Variants in VPS13A observed in about 807,000 individuals in gnomAD.
VPS13A encodes the protein vacuolar protein sorting 13 homolog A, also known as intermembrane lipid transfer protein VPS13A.
Under a neutral mutation model 390.9 loss-of-function variants are expected in VPS13A, and 264 were observed. The observed-to-expected ratio is 0.68, with a 90% CI of 0.61 to 0.75. The LOEUF (loss-of-function observed/expected upper bound fraction) is 0.75, where lower values mean the gene tolerates loss of function less well. Among genes scored for constraint, VPS13A ranks in the 30% least tolerant of loss-of-function variants. The pLI is 0.00. For missense variants in VPS13A, 3,409 were observed against 3,733.9 expected, an observed-to-expected ratio of 0.91 and a Z score of 2.27; for synonymous variants, 1,231 against 1,227.1, an observed-to-expected ratio of 1.00 and a Z score of -0.07.
At position 77,177,566 on chromosome 9, in the gene VPS13A, C is replaced by G. The variant is rs549155401; in HGVS notation, c.-139C>G. The G allele has an allele frequency of 4.4e-5, 33 of 748,664 alleles. No homozygotes were observed. The East Asian group carries it at 8.3e-4, about 19-fold the overall frequency. The allele number at this position is 748,664 out of a possible 1,614,324, so 46.4% of individuals were successfully genotyped here. A position where few individuals can be genotyped will look rare whatever the true frequency, so the allele number is the denominator to read the frequency against. On this transcript the variant is annotated 5_prime_UTR_variant, in exon 1 of 72. Transcript: ENST00000360280. ...TCTCTCGCTGGGCTCGCTAGGGCTG[C>G]GCGTTGGGCCAGCGGGGGCGCCGCA...
At chr9:77,312,590 C>G (rs1485561326) in intron 35 of VPS13A, among the ~76,000 whole-genome samples, 3 of 151,686 alleles carry the variant, frequency 2.0e-5, no homozygotes, top group African/African-American at 7.2e-5. Flanking sequence ...CCATGCCTGG[C>G]TAATTTTTTG....
chr9:77,410,031 AG>A (rs1485592960), intron 71 of VPS13A, among the ~76,000 whole-genome samples: 1 of 151,986 alleles, frequency 6.6e-6, no homozygotes, highest in African/African-American at 2.4e-5. Flanking sequence ...AAAAATGTTA[AG>A]GGCAGCCAGA....
intron 58 of VPS13A, 77 bp from the exon 59 acceptor site, chr9:77,360,459 C>A: frequency 8.9e-7 from 1 of 1,119,592 alleles, no homozygotes; most frequent in Non-Finnish European, 1.4e-6. Context: ...TGATCTCATA[C>A]TTTTTTCTCA....
chr9:77,354,052 A>G (rs1294105771), intron 54 of VPS13A, among the ~76,000 whole-genome samples: 1 of 152,122 alleles, frequency 6.6e-6, no homozygotes, highest in Admixed American at 6.5e-5. Context: ...AATAAGATCT[A>G]ATAAGGTGAT....
chr9:77,309,677 T>C (rs1828954569), intron 35 of VPS13A, among the ~76,000 whole-genome samples: 2 of 152,160 alleles, frequency 1.3e-5, no homozygotes, highest in Non-Finnish European at 2.9e-5. Context: ...CAGACACCAG[T>C]TGACCTGACC....
At chr9:77,390,424 A>T (rs1277872152) in intron 68 of VPS13A, among the ~76,000 whole-genome samples, 1 of 152,206 alleles carries the variant, frequency 6.6e-6, no homozygotes. Context: ...TGAACATTTA[A>T]TAGTGTGTAC....
intron 40 of VPS13A, among the ~76,000 whole-genome samples, chr9:77,317,924 C>T (rs1829499511): frequency 6.6e-6 from 1 of 151,618 alleles, no homozygotes; most frequent in African/African-American, 2.4e-5. Flanking sequence ...TCTAATATCC[C>T]TAATAAATAT....
intron 31 of VPS13A, among the ~76,000 whole-genome samples, chr9:77,283,942 A>T (rs1827185483): frequency 6.6e-6 from 1 of 151,270 alleles, no homozygotes; most frequent in African/African-American, 2.4e-5. Context: ...TTTGGGAGAG[A>T]ACCTAGTAAA....
chr9:77,316,052 C>T (rs909898861), intron 38 of VPS13A, 122 bp from the exon 39 acceptor site: 2 of 474,934 alleles, frequency 4.2e-6, no homozygotes, highest in African/African-American at 2.1e-5. Flanking sequence ...TAGTTGATTC[C>T]TTTGGGATCT....
intron 3 of VPS13A, among the ~76,000 whole-genome samples, chr9:77,201,998 TTAAA>T (rs1235006231): frequency 6.6e-6 from 1 of 152,196 alleles, no homozygotes; most frequent in African/African-American, 2.4e-5. Flanking sequence ...TTTTACTGGT[TTAAA>T]TATTGTGCAA....
chr9:77,392,793 TA>T (rs1833952004), intron 68 of VPS13A, among the ~76,000 whole-genome samples: 3 of 146,016 alleles, frequency 2.1e-5, no homozygotes, highest in Non-Finnish European at 4.5e-5. Context: ...ATACACACCT[TA>T]ATTTAAAAAT....
intron 58 of VPS13A, 36 bp downstream of exon 58, chr9:77,359,438 A>G (rs1402795034): frequency 2.0e-6 from 3 of 1,519,838 alleles, no homozygotes; most frequent in Admixed American, 3.4e-5. Context: ...ATATTTATTT[A>G]ATGTTTGATT....
intron 58 of VPS13A, 76 bp from the exon 59 acceptor site, chr9:77,360,459 CT>C (rs1832080659): frequency 8.9e-7 from 1 of 1,119,590 alleles, no homozygotes; most frequent in East Asian, 2.4e-5. Flanking sequence ...TGATCTCATA[CT>C]TTTTTCTCAT....
In VPS13A at chr9:77,366,861, T is replaced by G. The variant is rs1563963859; in HGVS notation, c.8460T>G (p.Asp2820Glu). 6.2e-7 allele frequency: 1 copy of G among 1,612,748 alleles called. No homozygotes were observed. Among genetic ancestry groups the G allele is most frequent in the Non-Finnish European group, 8.5e-7 (1 of 1,179,266 alleles). Residue 2820 changes from aspartate (D) to glutamate (E), a missense_variant, in exon 61 of 72, where the codon GAT (aspartate) becomes GAG (glutamate). Transcript: ENST00000360280. ...GTGCCACACTGACAGATGTACAAGA[T>G]GTAGTTTTTAAGTATGTTTAGTATT... is the stretch of plus-strand genomic sequence containing the variant. The part of the protein sequence containing the change: ...SIGATLTDVQ[D>E]VVFKLAFFEL...
At position 77,384,631 on chromosome 9, in the gene VPS13A, GTGA is replaced by G. The variant is rs113052866; in HGVS notation, c.9189+2575_9189+2577del. 26,752 of 1,569,160 alleles carry G rather than the reference GTGA, an allele frequency of 0.017. 225 individuals carry two copies. The highest frequency in any genetic ancestry group is 0.04 in the South Asian group (3,442 of 86,430). ...TGGATTATGACTCACAGTAGCAGTAGTGATGATGATGATGATGATGATGATGAT... is the reference window on the plus strand; with the variant it reads ...TGGATTATGACTCACAGTAGCAGTAGTGATGATGATGATGATGATGATGAT... On this transcript the variant is annotated intron_variant, in intron 68 of 71. Transcript: ENST00000360280.
chr9:77,285,748 T>C (rs1000156635), intron 31 of VPS13A, among the ~76,000 whole-genome samples: 2 of 152,364 alleles, frequency 1.3e-5, no homozygotes, highest in Non-Finnish European at 2.9e-5. Flanking sequence ...TTGTGTATAG[T>C]TGAGTCTGGG....
At chr9:77,367,805 A>G (rs1447238837) in intron 61 of VPS13A, among the ~76,000 whole-genome samples, 1 of 152,210 alleles carries the variant, frequency 6.6e-6, no homozygotes, top group African/African-American at 2.4e-5. Flanking sequence ...TCGAATTTAC[A>G]TGAAAATTTA....
intron 31 of VPS13A, among the ~76,000 whole-genome samples, chr9:77,287,511 A>G (rs1286576092): frequency 1.3e-5 from 2 of 152,170 alleles, no homozygotes; most frequent in Non-Finnish European, 2.9e-5. Flanking sequence ...TTGAGATACT[A>G]TAGTCAGCAA....
chr9:77,333,172 T>C lies in VPS13A; in HGVS notation c.6095+1059T>C, dbSNP rs117384702. Among the ~76,000 whole-genome samples, 1,281 of 152,328 alleles carry C rather than the reference T, an allele frequency of 8.4e-3. 10 individuals are homozygous for C. The highest frequency in any genetic ancestry group is 0.014 in the South Asian group (66 of 4,828). On this transcript the variant is annotated intron_variant, in intron 46 of 71. Coordinates refer to ENST00000360280, the MANE Select transcript of VPS13A (RefSeq NM_033305.3). ...TCTGTGAAGAACTTTCATTTTCTTC[T>C]TGGATAATAAAAGTTAATGATATTC...
Sources: gnomAD v4.1 joint callset for allele counts (sites outside exome capture counted in the v4.1 genomes callset) on GRCh38, gnomAD v4.1.1 for gene constraint, MANE v1.5 for transcripts, NCBI Gene and HGNC (gene_info 2026-07-23, HGNC 2026-07-21) for gene names.